The following PRKCB variants were observed in gnomAD, a reference collection of about 807,000 sequenced individuals.
The protein encoded by PRKCB is protein kinase C beta type.
PRKCB carries 13 observed loss-of-function variants against 81.5 expected under a neutral mutation model. The observed-to-expected ratio is 0.16, with a 90% confidence interval of 0.10 to 0.25. The LOEUF (loss-of-function observed/expected upper bound fraction) is 0.25, where lower values mean the gene tolerates loss of function less well. Ranked by LOEUF, PRKCB falls within the 10% of genes least tolerant of loss-of-function variation. The pLI is 1.00. For synonymous variants in PRKCB, 335 were observed against 321.4 expected (o/e 1.04, Z -0.45); for missense variants, 509 against 875.7 (o/e 0.58, Z 5.29).
At chr16:24,163,129 CCTGGCCCAATCAG>C (rs1451343203) in intron 10 of PRKCB, among the ~76,000 whole-genome samples, 1 of 152,140 alleles carries the variant, frequency 6.6e-6, no homozygotes, top group African/African-American at 2.4e-5. Flanking sequence ...GGTGTTTATT[CCTGGCCCAATCAG>C]CTGGCAATTG....
intron 2 of PRKCB, among the ~76,000 whole-genome samples, chr16:23,839,888 C>T (rs917442497): frequency 6.6e-6 from 1 of 152,146 alleles, no homozygotes; most frequent in Non-Finnish European, 1.5e-5. Context: ...CCAGACTACC[C>T]CAATGGTGGG....
At chr16:23,843,561 G>C (rs1034609910) in intron 2 of PRKCB, among the ~76,000 whole-genome samples, 1 of 152,076 alleles carries the variant, frequency 6.6e-6, no homozygotes, top group African/African-American at 2.4e-5. Flanking sequence ...AGGCAACAAC[G>C]AATTCATTTT....
At chr16:24,079,315 G>A (rs1306852869) in intron 5 of PRKCB, among the ~76,000 whole-genome samples, 1 of 152,140 alleles carries the variant, frequency 6.6e-6, no homozygotes, top group African/African-American at 2.4e-5. Flanking sequence ...ACGGACACAC[G>A]TGACATTTGG....
chr16:23,924,305 G>A (rs113824695), intron 2 of PRKCB, among the ~76,000 whole-genome samples: 5,938 of 151,936 alleles, frequency 0.039, 411 homozygotes, highest in African/African-American at 0.14. Context: ...CCAACCATGC[G>A]GAACTGTGAG....
chr16:24,123,069 G>A (rs1300801910), intron 8 of PRKCB, among the ~76,000 whole-genome samples: 1 of 152,234 alleles, frequency 6.6e-6, no homozygotes, highest in Non-Finnish European at 1.5e-5. Context: ...TTATTGGAAG[G>A]AAACAAGTGA....
intron 5 of PRKCB, among the ~76,000 whole-genome samples, chr16:24,047,537 TA>T (rs796565689): frequency 0.015 from 1,964 of 128,002 alleles, 25 homozygotes; most frequent in African/African-American, 0.042. Flanking sequence ...TCTCTCCTTC[TA>T]AAAAAAAAAA....
At chr16:24,204,286 A>C (rs1352616906) in intron 16 of PRKCB, among the ~76,000 whole-genome samples, 1 of 152,106 alleles carries the variant, frequency 6.6e-6, no homozygotes, top group Non-Finnish European at 1.5e-5. Flanking sequence ...AGGTTAGCTT[A>C]ACTTTTAAGT....
chr16:24,216,441 G>A lies in PRKCB; in HGVS notation c.*1625G>A, dbSNP rs75859222. 1.6e-4 allele frequency: 159 copies of A among 985,364 alleles called. No individual in the cohort carries two copies. The highest frequency in any genetic ancestry group is 1.7e-4 in the Non-Finnish European group (145 of 829,924). The allele number at this position is 985,364 out of a possible 1,614,324, so 61.0% of individuals were successfully genotyped here. A position where few individuals can be genotyped will look rare whatever the true frequency, so the allele number is the denominator to read the frequency against. ...AGGCAGCAGGTGACTCCCCCTCCTCGCCTGCCGTGTCCTGCTATTCTCAGG... is the reference window on the plus strand; with the variant it reads ...AGGCAGCAGGTGACTCCCCCTCCTCACCTGCCGTGTCCTGCTATTCTCAGG... On this transcript the variant is annotated 3_prime_UTR_variant, in exon 17 of 17. Coordinates refer to ENST00000643927, the MANE Select transcript of PRKCB (RefSeq NM_002738.7).
At chr16:24,189,364 C>T (rs574769046) in intron 15 of PRKCB, among the ~76,000 whole-genome samples, 4 of 152,242 alleles carry the variant, frequency 2.6e-5, no homozygotes, top group Non-Finnish European at 5.9e-5. Flanking sequence ...AGCAGCTCGG[C>T]GCGGTGGCTC....
intron 2 of PRKCB, among the ~76,000 whole-genome samples, chr16:23,912,866 C>T (rs1963683637): frequency 1.4e-5 from 2 of 147,316 alleles, no homozygotes; most frequent in South Asian, 2.2e-4. Flanking sequence ...GCTCTGTTGC[C>T]TAGGCTGGAG....
At chr16:23,997,507 A>G (rs536960967) in intron 3 of PRKCB, among the ~76,000 whole-genome samples, 11 of 152,310 alleles carry the variant, frequency 7.2e-5, no homozygotes, top group Admixed American at 1.3e-4. Context: ...AATACCAGCT[A>G]TGACCGTGTG....
chr16:23,855,768 G>A (rs757547825), intron 2 of PRKCB, among the ~76,000 whole-genome samples: 8 of 152,180 alleles, frequency 5.3e-5, no homozygotes, highest in Non-Finnish European at 8.8e-5. Flanking sequence ...GAGCTGAGAC[G>A]GCCCTTCAGA....
intron 2 of PRKCB, among the ~76,000 whole-genome samples, chr16:23,942,525 T>G (rs1964152159): frequency 6.6e-6 from 1 of 152,190 alleles, no homozygotes; most frequent in Non-Finnish European, 1.5e-5. Flanking sequence ...AGGATATGGA[T>G]AGCAACTCGA....
intron 5 of PRKCB, among the ~76,000 whole-genome samples, chr16:24,092,047 T>A (rs946759896): frequency 3.9e-5 from 6 of 152,232 alleles, no homozygotes; most frequent in Non-Finnish European, 7.3e-5. Context: ...TAACTGTTTT[T>A]AAACGTACAA....
At chr16:24,100,204 A>G (rs1253656440) in intron 7 of PRKCB, among the ~76,000 whole-genome samples, 1 of 151,850 alleles carries the variant, frequency 6.6e-6, no homozygotes, top group Non-Finnish European at 1.5e-5. Flanking sequence ...AGACGTGTCC[A>G]ATCTCCTTTC....
intron 7 of PRKCB, among the ~76,000 whole-genome samples, chr16:24,108,012 C>T (rs1018925384): frequency 1.8e-4 from 28 of 152,190 alleles, no homozygotes; most frequent in African/African-American, 6.5e-4. Context: ...TCAGAGGTCT[C>T]TGATATATCG....
intron 10 of PRKCB, among the ~76,000 whole-genome samples, chr16:24,165,066 G>A (rs1214905650): frequency 6.6e-6 from 1 of 152,022 alleles, no homozygotes; most frequent in South Asian, 2.1e-4. Context: ...TTTGAAACAG[G>A]GTCTCACTCT....
intron 16 of PRKCB, among the ~76,000 whole-genome samples, chr16:24,213,142 C>T (rs1202176517): frequency 6.6e-6 from 1 of 152,030 alleles, no homozygotes; most frequent in Non-Finnish European, 1.5e-5. Context: ...TCAAGCTATT[C>T]TCCTGCTTCA....
At chr16:23,842,909 T>C (rs1247924053) in intron 2 of PRKCB, among the ~76,000 whole-genome samples, 5 of 152,060 alleles carry the variant, frequency 3.3e-5, no homozygotes, top group Non-Finnish European at 5.9e-5. Flanking sequence ...AAAGCTAGAA[T>C]TGATGATAAT....
Sources: allele counts gnomAD v4.1 joint callset (sites outside exome capture counted in the v4.1 genomes callset), GRCh38; gene constraint gnomAD v4.1.1; transcripts MANE v1.5; gene names NCBI Gene and HGNC (gene_info 2026-07-23, HGNC 2026-07-21).